Variants in TMEM236 observed in about 807,000 individuals in gnomAD.
TMEM236 encodes the protein transmembrane protein 236.
A neutral mutation model predicts 14.7 loss-of-function variants in TMEM236; 11 were observed. The ratio of observed to expected loss-of-function variants is 0.75; its 90% CI spans 0.47 to 1.24. The LOEUF is 1.24. Ranked by LOEUF, TMEM236 falls within the 50% of genes most tolerant of loss-of-function variation. The pLI, the probability that TMEM236 is intolerant of heterozygous loss-of-function variation, is 0.00. For missense variants in TMEM236, 464 were observed against 427.3 expected, an observed-to-expected ratio of 1.09 and a Z score of -0.76; for synonymous variants, 182 against 168.6, an observed-to-expected ratio of 1.08 and a Z score of -0.62.
intron 1 of TMEM236, among the ~76,000 whole-genome samples, chr10:17,754,207 A>C (rs1418749387): frequency 1.3e-5 from 2 of 152,254 alleles, no homozygotes; most frequent in Non-Finnish European, 2.9e-5. Context: ...AATTTTGCGT[A>C]AAACTGAAAG....
intron 3 of TMEM236, among the ~76,000 whole-genome samples, chr10:17,795,333 C>G (rs1354006304): frequency 2.6e-5 from 4 of 152,276 alleles, no homozygotes; most frequent in African/African-American, 7.2e-5. Context: ...CCAATACTAA[C>G]TGCATTTGAA....
intron 3 of TMEM236, among the ~76,000 whole-genome samples, chr10:17,793,736 G>C (rs1398831930): frequency 6.6e-6 from 1 of 152,164 alleles, no homozygotes; most frequent in Non-Finnish European, 1.5e-5. Context: ...ATCTGCCTCA[G>C]CCTCCCAAAC....
At chr10:17,759,633 C>G (rs1837327530) in intron 1 of TMEM236, among the ~76,000 whole-genome samples, 1 of 152,128 alleles carries the variant, frequency 6.6e-6, no homozygotes, top group African/African-American at 2.4e-5. Context: ...TAATTTTAAA[C>G]ACATTGTCTG....
At position 17,774,798 on chromosome 10, in the gene TMEM236, T is replaced by TTCTCTCTCTCTCTCTC. The variant is rs781848506; in HGVS notation, c.331-1221_331-1206dup. ...CTCCCTCCCTCCTTCCCTACCTCCT[T>TTCTCTCTCTCTCTCTC]TCTCTCTCTCTCTCTCTCTCTCTCT... is the stretch of plus-strand genomic sequence containing the variant. On this transcript the variant is annotated intron_variant, in intron 2 of 3. Coordinates refer to ENST00000377495, the MANE Select transcript of TMEM236 (RefSeq NM_001098844.3). 1.4e-3 allele frequency among the ~76,000 whole-genome samples: 204 copies of TTCTCTCTCTCTCTCTC among 142,146 alleles called. 1 individual carries two copies. Among genetic ancestry groups the TTCTCTCTCTCTCTCTC allele is most frequent in the Middle Eastern group, 7.0e-3 (2 of 284 alleles). The allele number at this position is 142,146 out of a possible 152,430, so 93.3% of individuals were successfully genotyped here.
chr10:17,761,299 C>T (rs1470802678), intron 1 of TMEM236, among the ~76,000 whole-genome samples: 1 of 152,182 alleles, frequency 6.6e-6, no homozygotes, highest in Middle Eastern at 3.2e-3. Context: ...AACGTTTGGG[C>T]TCTGGCAACC....
At chr10:17,757,923 C>T (rs1383042980) in intron 1 of TMEM236, among the ~76,000 whole-genome samples, 1 of 151,968 alleles carries the variant, frequency 6.6e-6, no homozygotes, top group African/African-American at 2.4e-5. Flanking sequence ...TGTGCGCCAC[C>T]ACGCCTGGCT....
At chr10:17,782,698 C>T (rs914664934) in intron 3 of TMEM236, among the ~76,000 whole-genome samples, 1 of 152,184 alleles carries the variant, frequency 6.6e-6, no homozygotes, top group East Asian at 1.9e-4. Flanking sequence ...ATGATCCACC[C>T]GCCTCACCTC....
chr10:17,776,312 C>A, intron 3 of TMEM236, 142 bp downstream of exon 3: 2 of 849,582 alleles, frequency 2.4e-6, no homozygotes, highest in East Asian at 2.5e-5. Flanking sequence ...ATGAAGATAT[C>A]TAAACATAAT....
intron 3 of TMEM236, among the ~76,000 whole-genome samples, chr10:17,777,083 G>C (rs927211012): frequency 4.6e-5 from 7 of 152,172 alleles, no homozygotes; most frequent in Admixed American, 1.3e-4. Context: ...TCAGGAGACA[G>C]CTTCAGAGTG....
In TMEM236 at chr10:17,796,176, T is replaced by A; in HGVS notation, c.728T>A (p.Leu243His). The A allele has an allele frequency of 6.2e-7, 1 of 1,613,954 alleles. No individual in the cohort carries two copies. Among genetic ancestry groups the A allele is most frequent in the Non-Finnish European group, 8.5e-7 (1 of 1,179,854 alleles). Reference sequence around the variant, plus strand: ...GCAGAGTTATTCTTATGGAGCTTTCTCCTGTGGTCTGACACGATAGAAATG... The same window carrying A: ...GCAGAGTTATTCTTATGGAGCTTTCACCTGTGGTCTGACACGATAGAAATG... ...VRAELFLWSF[L>H]LWSDTIEMVR... Residue 243 changes from leucine (L) to histidine (H), a missense_variant, in exon 4 of 4, where the codon CTC becomes CAC. Physicochemically the swap from Leu to His is moderately conservative, Grantham distance 99. Coordinates refer to ENST00000377495, the MANE Select transcript of TMEM236 (RefSeq NM_001098844.3).
intron 1 of TMEM236, among the ~76,000 whole-genome samples, chr10:17,759,533 A>G (rs1048528521): frequency 2.1e-4 from 32 of 152,216 alleles, no homozygotes; most frequent in Admixed American, 3.9e-4. Context: ...TGCTTTAGGT[A>G]ACGGTGGTGG....
At position 17,771,382 on chromosome 10, in the gene TMEM236, G is replaced by T. The variant is rs782547035; in HGVS notation, c.330+1G>T. The T allele has an allele frequency of 1.6e-5, 26 of 1,613,034 alleles. No individual in the cohort carries two copies. The highest frequency in any genetic ancestry group is 2.2e-5 in the Non-Finnish European group (26 of 1,179,122). On this transcript the variant is annotated splice_donor_variant, in intron 2 of 3. Coordinates refer to ENST00000377495, the MANE Select transcript of TMEM236 (RefSeq NM_001098844.3). LOFTEE classifies it high-confidence loss of function. ...CACCTTTTCCATAGCAGTGACTGAG[G>T]TATGGAATTTTTGATTTCTTCTGCT...
chr10:17,798,643 A>G lies in TMEM236; in HGVS notation c.*2139A>G. 1.9e-6 allele frequency: 1 copy of G among 527,468 alleles called. No individual in the cohort carries two copies. The highest frequency in any genetic ancestry group is 3.9e-6 in the Non-Finnish European group (1 of 255,718). The allele number at this position is 527,468 out of a possible 1,614,324, so 32.7% of individuals were successfully genotyped here. On this transcript the variant is annotated 3_prime_UTR_variant, in exon 4 of 4. Coordinates refer to ENST00000377495, the MANE Select transcript of TMEM236 (RefSeq NM_001098844.3). ...CCCTCTGTTTTAGGATTTTTCTCAC[A>G]CTGTAAAAGAAGATTTACTCACAGT... is the stretch of plus-strand genomic sequence containing the variant.
rs934045752 is a variant in TMEM236, at chr10:17,798,472, A to G, written c.*1968A>G. 1,883 of 485,284 alleles carry G rather than the reference A, an allele frequency of 3.9e-3. 21 individuals are homozygous for G. The highest frequency in any genetic ancestry group is 0.034 in the African/African-American group (1,702 of 50,042). 30.1% of individuals were successfully genotyped at this position (485,284 alleles called of 1,614,324 possible). On this transcript the variant is annotated 3_prime_UTR_variant, in exon 4 of 4. Transcript: ENST00000377495. ...GAAGATTGCTTGAGCCCAGGAGGTC[A>G]AGGCTACAGTGAGCTATGATCATGC...
intron 1 of TMEM236, among the ~76,000 whole-genome samples, chr10:17,766,098 G>A (rs1416612012): frequency 3.3e-5 from 5 of 152,168 alleles, no homozygotes; most frequent in Non-Finnish European, 5.9e-5. Flanking sequence ...AATATGGATA[G>A]CCTGAGAATT....
rs1838044498 is a variant in TMEM236 at position 17,798,013 on chromosome 10, G to A, written c.*1509G>A. Reference sequence around the variant, plus strand: ...AGTGTCTTATGTGATACTATATCATGGATATATTGATGTTATAAAATAATT... The same window carrying A: ...AGTGTCTTATGTGATACTATATCATAGATATATTGATGTTATAAAATAATT... On this transcript the variant is annotated 3_prime_UTR_variant, in exon 4 of 4. Transcript: ENST00000377495. 1 of 155,146 alleles carries A rather than the reference G, an allele frequency of 6.4e-6. No individual in the cohort carries two copies. Among genetic ancestry groups the A allele is most frequent in the Non-Finnish European group, 1.4e-5 (1 of 69,940 alleles). 9.6% of individuals were successfully genotyped at this position (155,146 alleles called of 1,614,324 possible).
At chr10:17,763,699 G>A (rs1195204088) in intron 1 of TMEM236, among the ~76,000 whole-genome samples, 4 of 152,178 alleles carry the variant, frequency 2.6e-5, no homozygotes, top group Non-Finnish European at 5.9e-5. Flanking sequence ...AGGAGGATGA[G>A]TATGAGGAAT....
intron 2 of TMEM236, among the ~76,000 whole-genome samples, chr10:17,773,386 T>C (rs1837606062): frequency 6.6e-6 from 1 of 152,180 alleles, no homozygotes; most frequent in South Asian, 2.1e-4. Context: ...CAGGCTGGAG[T>C]GCAGTGGTGC....
rs1426279247 is a variant in TMEM236, at chr10:17,752,542, A to G, written c.247A>G (p.Ile83Val). 2 of 1,613,638 alleles carry G rather than the reference A, an allele frequency of 1.2e-6. No individual in the cohort carries two copies. Among genetic ancestry groups the G allele is most frequent in the African/African-American group, 2.7e-5 (2 of 74,908 alleles). ...LHKKRYIYRK[I>V]KGWRPVLMMC... ...CAAGAAACGTTATATTTACAGAAAAATTAAAGGATGGTAAGTAAAAGAATT... is the reference window on the plus strand; with the variant it reads ...CAAGAAACGTTATATTTACAGAAAAGTTAAAGGATGGTAAGTAAAAGAATT... The change falls in exon 1 of 4, where the codon ATT becomes GTT. Residue 83 changes from isoleucine to valine, a missense_variant. Physicochemically the swap from Ile to Val is conservative, Grantham distance 29. Coordinates refer to ENST00000377495, the MANE Select transcript of TMEM236 (RefSeq NM_001098844.3).
Sources: allele counts gnomAD v4.1 joint callset (sites outside exome capture counted in the v4.1 genomes callset), GRCh38; gene constraint gnomAD v4.1.1; transcripts MANE v1.5; gene names NCBI Gene and HGNC (gene_info 2026-07-23, HGNC 2026-07-21).